Variants in NCKAP5 observed in about 807,000 individuals in gnomAD.
The protein encoded by NCKAP5 is nck-associated protein 5.
NCKAP5 carries 92 observed loss-of-function variants against 167.0 expected under a neutral mutation model. The observed-to-expected ratio is 0.55, with a 90% CI of 0.47 to 0.66. The LOEUF (loss-of-function observed/expected upper bound fraction) is 0.66, where lower values mean the gene tolerates loss of function less well. Ranked by LOEUF, NCKAP5 falls within the 30% of genes least tolerant of loss-of-function variation. The pLI is 0.00. For synonymous variants in NCKAP5, 891 were observed against 877.4 expected, an observed-to-expected ratio of 1.02 and a Z score of -0.27; for missense variants, 2,378 against 2,315.0, an observed-to-expected ratio of 1.03 and a Z score of -0.56.
rs1476006201 is a variant in NCKAP5 at position 132,780,091 on chromosome 2, AC to A, written c.5049+960del. Reference sequence around the variant, plus strand: ...AAGTGCAATTTAAGGTAATTTTAAAACAAAAATATTAACTGAAACTAGTACA... The same window carrying A: ...AAGTGCAATTTAAGGTAATTTTAAAAAAAAATATTAACTGAAACTAGTACA... On this transcript the variant is annotated intron_variant, in intron 15 of 19. Coordinates refer to ENST00000409261, the MANE Select transcript of NCKAP5 (RefSeq NM_207363.3). Among the ~76,000 whole-genome samples, 4 of 152,252 alleles carry A rather than the reference AC, an allele frequency of 2.6e-5. No homozygotes were observed. In the East Asian group the frequency reaches 5.8e-4, roughly 22 times the overall value.
chr2:133,174,676 G>A (rs755773254), intron 5 of NCKAP5, among the ~76,000 whole-genome samples: 1 of 149,920 alleles, frequency 6.7e-6, no homozygotes, highest in Non-Finnish European at 1.5e-5. Context: ...CTATTCTCAG[G>A]CACAACAAAA....
chr2:133,560,912 CT>C, intron 1 of NCKAP5, among the ~76,000 whole-genome samples: 2 of 152,346 alleles, frequency 1.3e-5, no homozygotes, highest in South Asian at 4.1e-4. Context: ...ACAGTCAATA[CT>C]GGGTTCCCCA....
intron 6 of NCKAP5, among the ~76,000 whole-genome samples, chr2:133,102,718 T>C (rs2149684883): frequency 6.6e-6 from 1 of 150,432 alleles, no homozygotes; most frequent in East Asian, 2.0e-4. Context: ...GGATCATTCT[T>C]AACTGACAGG....
At chr2:133,381,906 G>C (rs1195176388) in intron 3 of NCKAP5, among the ~76,000 whole-genome samples, 1 of 152,310 alleles carries the variant, frequency 6.6e-6, no homozygotes, top group Non-Finnish European at 1.5e-5. Context: ...GGAGCTCTGC[G>C]CTGAAGTTTG....
chr2:133,005,879 C>T (rs2077948873), intron 6 of NCKAP5, among the ~76,000 whole-genome samples: 1 of 152,110 alleles, frequency 6.6e-6, no homozygotes. Context: ...AACCTGGAGC[C>T]TCTTTTCCCC....
intron 3 of NCKAP5, among the ~76,000 whole-genome samples, chr2:133,328,870 A>G (rs1403570580): frequency 1.3e-5 from 2 of 152,238 alleles, no homozygotes; most frequent in Admixed American, 6.5e-5. Flanking sequence ...CATGGAAAGA[A>G]AAACTTGCGG....
the NCKAP5 span, among the ~76,000 whole-genome samples, chr2:133,583,642 G>A: frequency 6.6e-6 from 1 of 152,132 alleles, no homozygotes; most frequent in Non-Finnish European, 1.5e-5. Context: ...ACAAACTGTA[G>A]TTCTTCCATA....
chr2:133,660,975 A>C, the NCKAP5 span, among the ~76,000 whole-genome samples: 1 of 151,332 alleles, frequency 6.6e-6, no homozygotes, highest in Non-Finnish European at 1.5e-5. Flanking sequence ...AAAAAATCCT[A>C]GTCTAGACAA....
chr2:133,196,668 G>A (rs1042223634), intron 5 of NCKAP5, among the ~76,000 whole-genome samples: 15 of 152,096 alleles, frequency 9.9e-5, no homozygotes, highest in Admixed American at 2.0e-4. Context: ...ATTTTTCACC[G>A]CCTGGTATCA....
chr2:133,154,489 C>A (rs2083500552), intron 5 of NCKAP5, among the ~76,000 whole-genome samples: 1 of 152,216 alleles, frequency 6.6e-6, no homozygotes, highest in Non-Finnish European at 1.5e-5. Context: ...GAAGGTATAA[C>A]ATAAATGTTA....
At chr2:132,716,579 G>C (rs928428422) in intron 19 of NCKAP5, among the ~76,000 whole-genome samples, 6 of 151,970 alleles carry the variant, frequency 3.9e-5, no homozygotes, top group Admixed American at 2.6e-4. Context: ...TGAACTTGAG[G>C]GGGGTAACAC....
intron 5 of NCKAP5, among the ~76,000 whole-genome samples, chr2:133,174,020 C>T (rs2084355969): frequency 2.0e-5 from 3 of 152,130 alleles, no homozygotes; most frequent in African/African-American, 4.8e-5. Context: ...GGTACAATAC[C>T]ATTAACTGAA....
chr2:133,258,985 G>T (rs567734297), intron 4 of NCKAP5, among the ~76,000 whole-genome samples: 1 of 152,246 alleles, frequency 6.6e-6, no homozygotes, highest in Non-Finnish European at 1.5e-5. Flanking sequence ...TGGCCCAAAA[G>T]GTGAAGTTCA....
intron 3 of NCKAP5, among the ~76,000 whole-genome samples, chr2:133,360,811 A>T (rs542212486): frequency 6.6e-6 from 1 of 152,180 alleles, no homozygotes; most frequent in South Asian, 2.1e-4. Context: ...TTTTGTAAGA[A>T]TATAAAAGGA....
At chr2:133,035,601 G>C (rs1191107679) in intron 6 of NCKAP5, among the ~76,000 whole-genome samples, 1 of 151,834 alleles carries the variant, frequency 6.6e-6, no homozygotes, top group East Asian at 1.9e-4. Context: ...TTAATAATGA[G>C]AGGAATTTTG....
intron 6 of NCKAP5, among the ~76,000 whole-genome samples, chr2:133,096,014 A>C (rs2081334678): frequency 6.6e-6 from 1 of 152,190 alleles, no homozygotes; most frequent in African/African-American, 2.4e-5. Flanking sequence ...AAATTTTACC[A>C]GATGCTACTA....
At chr2:133,158,846 C>T (rs2083677203) in intron 5 of NCKAP5, among the ~76,000 whole-genome samples, 1 of 151,886 alleles carries the variant, frequency 6.6e-6, no homozygotes, top group South Asian at 2.1e-4. Context: ...GAACCTACTG[C>T]TCTTCTGGGC....
intron 5 of NCKAP5, among the ~76,000 whole-genome samples, chr2:133,157,759 T>C (rs537382663): frequency 6.6e-6 from 1 of 152,352 alleles, no homozygotes; most frequent in Non-Finnish European, 1.5e-5. Context: ...AAAGACTTCA[T>C]GTTAATTATG....
At chr2:133,240,089 C>A (rs892266412) in intron 4 of NCKAP5, among the ~76,000 whole-genome samples, 1 of 152,152 alleles carries the variant, frequency 6.6e-6, no homozygotes, top group African/African-American at 2.4e-5. Context: ...ATAAACACCT[C>A]ATTATTGATA....
Sources: gnomAD v4.1 joint callset for allele counts (sites outside exome capture counted in the v4.1 genomes callset) on GRCh38, gnomAD v4.1.1 for gene constraint, MANE v1.5 for transcripts, NCBI Gene and HGNC (gene_info 2026-07-23, HGNC 2026-07-21) for gene names.